The following PRKAR2B variants were observed in gnomAD, a reference collection of about 807,000 sequenced individuals.
PRKAR2B encodes the protein protein kinase cAMP-dependent type II regulatory subunit beta, also known as cAMP-dependent protein kinase type II-beta regulatory subunit.
Under a neutral mutation model 49.9 loss-of-function variants are expected in PRKAR2B, and 14 were observed. The observed-to-expected ratio is 0.28, with a 90% CI of 0.19 to 0.44. The LOEUF is 0.44. Among genes scored for constraint, PRKAR2B ranks in the 20% least tolerant of loss-of-function variants. The pLI is 1.00. For synonymous variants in PRKAR2B, 196 were observed against 197.7 expected (o/e 0.99, Z 0.07); for missense variants, 393 against 537.9 (o/e 0.73, Z 2.67).
chr7:107,134,735 T>C (rs1795664928), intron 4 of PRKAR2B, among the ~76,000 whole-genome samples: 1 of 152,162 alleles, frequency 6.6e-6, no homozygotes, highest in South Asian at 2.1e-4. Context: ...GACCATTCAA[T>C]AGAAAAAGAA....
intron 2 of PRKAR2B, among the ~76,000 whole-genome samples, chr7:107,108,299 G>A (rs797019074): frequency 7.9e-5 from 12 of 152,210 alleles, no homozygotes; most frequent in African/African-American, 2.6e-4. Flanking sequence ...AAAGTGTCCC[G>A]ACTTACATAG....
intron 3 of PRKAR2B, among the ~76,000 whole-genome samples, chr7:107,123,940 A>G (rs984348615): frequency 1.3e-5 from 2 of 152,230 alleles, no homozygotes; most frequent in African/African-American, 2.4e-5. Flanking sequence ...CTCAACAACT[A>G]TGAAGCAAAC....
intron 4 of PRKAR2B, chr7:107,133,766 T>A (rs1427187778): frequency 6.6e-6 from 1 of 152,210 alleles, no homozygotes; most frequent in Non-Finnish European, 1.5e-5. Context: ...TGTTCTCAGT[T>A]TAATTAGAGT....
At chr7:107,158,594 T>A (rs1796140485) in intron 10 of PRKAR2B, among the ~76,000 whole-genome samples, 1 of 152,178 alleles carries the variant, frequency 6.6e-6, no homozygotes, top group Admixed American at 6.5e-5. Context: ...TGGCTCCAAC[T>A]TTTTTGTGGG....
At chr7:107,096,578 C>G (rs1246948648) in intron 2 of PRKAR2B, among the ~76,000 whole-genome samples, 1 of 151,358 alleles carries the variant, frequency 6.6e-6, no homozygotes, top group African/African-American at 2.4e-5. Context: ...GGTCTTGCTT[C>G]TCTAGTTCTT....
At chr7:107,052,985 A>G (rs1041077606) in intron 1 of PRKAR2B, among the ~76,000 whole-genome samples, 1 of 152,066 alleles carries the variant, frequency 6.6e-6, no homozygotes, top group African/African-American at 2.4e-5. Context: ...GTGTGCCACC[A>G]TGTCTGCCTA....
chr7:107,112,681 G>A (rs1795198818), intron 2 of PRKAR2B, among the ~76,000 whole-genome samples: 1 of 151,790 alleles, frequency 6.6e-6, no homozygotes. Context: ...AAATGGAAAT[G>A]GAACTTTTCA....
intron 2 of PRKAR2B, among the ~76,000 whole-genome samples, chr7:107,083,063 T>A (rs1794545584): frequency 6.6e-6 from 1 of 151,934 alleles, no homozygotes; most frequent in Non-Finnish European, 1.5e-5. Flanking sequence ...AACCTGTGAG[T>A]CTCAAAATGT....
In PRKAR2B at chr7:107,108,326, CAGAT is replaced by C. The variant is rs374762611; in HGVS notation, c.344-13623_344-13620del. 2.0e-4 allele frequency among the ~76,000 whole-genome samples: 30 copies of C among 152,260 alleles called. 1 individual carries two copies. Among genetic ancestry groups the C allele is most frequent in the East Asian group, 1.7e-3 (9 of 5,186 alleles). ...CTTACATAGAATAGAAACAGTTGCT[CAGAT>C]AGCCAAAGCAAAGACAACAGATGTG... On this transcript the variant is annotated intron_variant, in intron 2 of 10. Coordinates refer to ENST00000265717, the MANE Select transcript of PRKAR2B (RefSeq NM_002736.3).
intron 2 of PRKAR2B, among the ~76,000 whole-genome samples, chr7:107,076,743 TA>T (rs1221685094): frequency 1.6e-4 from 25 of 152,220 alleles, no homozygotes; most frequent in Non-Finnish European, 2.6e-4. Flanking sequence ...TTAACAGAAC[TA>T]AAATTTTATA....
At chr7:107,143,251 C>G (rs1040701762) in intron 5 of PRKAR2B, among the ~76,000 whole-genome samples, 6 of 152,182 alleles carry the variant, frequency 3.9e-5, no homozygotes, top group African/African-American at 1.4e-4. Flanking sequence ...CATTGCTAGT[C>G]TGAAAATCTG....
intron 2 of PRKAR2B, among the ~76,000 whole-genome samples, chr7:107,074,333 A>G (rs973099763): frequency 6.6e-6 from 1 of 151,656 alleles, no homozygotes; most frequent in Non-Finnish European, 1.5e-5. Context: ...CCAACTCCTG[A>G]CCTCAGGTGA....
intron 2 of PRKAR2B, chr7:107,082,134 C>T (rs988230892): frequency 3.3e-5 from 5 of 152,164 alleles, no homozygotes; most frequent in Non-Finnish European, 7.3e-5. Context: ...ACTCTTGTGG[C>T]TTTCTAAAAA....
At chr7:107,058,208 G>A (rs1368475031) in intron 1 of PRKAR2B, among the ~76,000 whole-genome samples, 4 of 152,162 alleles carry the variant, frequency 2.6e-5, no homozygotes, top group Non-Finnish European at 5.9e-5. Context: ...GGTTTAGCAG[G>A]TAATTTTTGA....
rs1173312325 is a variant in PRKAR2B at position 107,160,714 on chromosome 7, G to A, written c.*1132G>A. The A allele has an allele frequency of 1.3e-5, 2 of 152,042 alleles. No homozygotes were observed. Among genetic ancestry groups the A allele is most frequent in the Non-Finnish European group, 2.9e-5 (2 of 68,014 alleles). The allele number at this position is 152,042 out of a possible 1,614,324, so 9.4% of individuals were successfully genotyped here. A position where few individuals can be genotyped will look rare whatever the true frequency, so the allele number is the denominator to read the frequency against. On this transcript the variant is annotated 3_prime_UTR_variant, in exon 11 of 11. Coordinates refer to ENST00000265717, the MANE Select transcript of PRKAR2B (RefSeq NM_002736.3). ...TTTTATGAGCATAACCCTATATAAAGACAAAATGAATTTCTGACCTTACCA... is the reference window on the plus strand; with the variant it reads ...TTTTATGAGCATAACCCTATATAAAAACAAAATGAATTTCTGACCTTACCA...
chr7:107,083,182 G>A (rs1212447707), intron 2 of PRKAR2B, among the ~76,000 whole-genome samples: 2 of 149,982 alleles, frequency 1.3e-5, no homozygotes, highest in Middle Eastern at 3.5e-3. Context: ...GTGCTACTAC[G>A]CTCCAGCCTG....
intron 1 of PRKAR2B, among the ~76,000 whole-genome samples, chr7:107,062,772 A>G (rs1440174007): frequency 2.0e-5 from 3 of 152,062 alleles, no homozygotes; most frequent in Admixed American, 2.0e-4. Flanking sequence ...GAGAAATGCC[A>G]TTGCCTTCTG....
chr7:107,046,696 C>T (rs1335601414), intron 1 of PRKAR2B, among the ~76,000 whole-genome samples: 1 of 152,076 alleles, frequency 6.6e-6, no homozygotes, highest in African/African-American at 2.4e-5. Flanking sequence ...CAGCCAGTAA[C>T]GGATGACAGA....
At chr7:107,065,140 G>A (rs1234931234) in intron 1 of PRKAR2B, among the ~76,000 whole-genome samples, 1 of 152,160 alleles carries the variant, frequency 6.6e-6, no homozygotes, top group Non-Finnish European at 1.5e-5. Context: ...AGTGTTTGTT[G>A]CTAGAAAAGG....
Sources: allele counts gnomAD v4.1 joint callset (sites outside exome capture counted in the v4.1 genomes callset), GRCh38; gene constraint gnomAD v4.1.1; transcripts MANE v1.5; gene names NCBI Gene and HGNC (gene_info 2026-07-23, HGNC 2026-07-21).